The following WWOX variants were observed in gnomAD, a reference collection of about 807,000 sequenced individuals.
WWOX encodes the protein WW domain-containing oxidoreductase.
In WWOX, 69 loss-of-function variants were observed where a neutral mutation model predicts 46.2. The ratio of observed to expected loss-of-function variants is 1.49; its 90% confidence interval spans 1.23 to 1.82. The LOEUF is 1.82. WWOX is among the 40% of genes most tolerant of loss of function. WWOX has a pLI of 0.00. For missense variants in WWOX, 919 were observed against 542.6 expected (o/e 1.69, Z -6.89); for synonymous variants, 359 against 202.6 (o/e 1.77, Z -6.56).
intron 8 of WWOX, among the ~76,000 whole-genome samples, chr16:78,593,996 AT>A (rs978909355): frequency 2.0e-5 from 3 of 152,160 alleles, no homozygotes; most frequent in Admixed American, 2.0e-4. Flanking sequence ...TAGAAACACT[AT>A]TTAAGTCTCA....
chr16:79,193,358 C>G (rs906227424), intron 8 of WWOX, among the ~76,000 whole-genome samples: 5 of 152,220 alleles, frequency 3.3e-5, no homozygotes, highest in African/African-American at 9.6e-5. Context: ...ACAGAGGAGA[C>G]TTCAGTCGAT....
intron 8 of WWOX, among the ~76,000 whole-genome samples, chr16:78,612,898 C>G (rs535462588): frequency 2.0e-5 from 3 of 152,314 alleles, no homozygotes; most frequent in South Asian, 4.2e-4. Context: ...CATGAGTGCT[C>G]AAGAAATAGT....
rs1013052049 is a variant in WWOX, at chr16:78,310,681, C to A, written c.517-76179C>A. On this transcript the variant is annotated intron_variant, in intron 5 of 8. Transcript: ENST00000566780. ...TCTCTCTGGGATCGGGGATTTATAC[C>A]CCAAAACCTTGCTCTAGAGATTTGG... 3.9e-5 allele frequency among the ~76,000 whole-genome samples: 6 copies of A among 152,258 alleles called. 1 individual carries two copies. The highest frequency in any genetic ancestry group is 1.3e-4 in the Admixed American group (2 of 15,292).
At chr16:78,478,938 TG>T (rs2084421361) in intron 8 of WWOX, among the ~76,000 whole-genome samples, 3 of 152,348 alleles carry the variant, frequency 2.0e-5, no homozygotes, top group Non-Finnish European at 2.9e-5. Context: ...ATTTCCATCA[TG>T]GCCCCTTTTC....
intron 8 of WWOX, among the ~76,000 whole-genome samples, chr16:79,003,880 ACT>A (rs2047141898): frequency 6.6e-6 from 1 of 152,018 alleles, no homozygotes; most frequent in Admixed American, 6.5e-5. Flanking sequence ...AGGGACACAG[ACT>A]CCACCTCTCG....
chr16:78,109,833 T>C lies in WWOX; in HGVS notation c.228T>C (p.Val76=), dbSNP rs370579498. Residue 76 remains valine, a splice_region_variant and synonymous_variant, in exon 3 of 9, where the codon GTT becomes GTC. Coordinates refer to ENST00000566780, the MANE Select transcript of WWOX (RefSeq NM_016373.4). ...ATGAGAACGGACAAGTGTTTTTTGTTGAGTAAGTGTCTGCAAAGAAACCAC... is the reference window on the plus strand; with the variant it reads ...ATGAGAACGGACAAGTGTTTTTTGTCGAGTAAGTGTCTGCAAAGAAACCAC... ...ETDENGQVFF[V]DHINKRTTYL... 2.5e-6 allele frequency: 4 copies of C among 1,614,092 alleles called. No homozygotes were observed. The highest frequency in any genetic ancestry group is 2.5e-6 in the Non-Finnish European group (3 of 1,180,050).
At position 78,370,118 on chromosome 16, in the gene WWOX, C is replaced by A. The variant is rs1329170081; in HGVS notation, c.517-16742C>A. Among the ~76,000 whole-genome samples the A allele has an allele frequency of 1.1e-4, 10 of 92,574 alleles. No individual in the cohort carries two copies. In the East Asian group the frequency reaches 2.8e-3, roughly 26 times the overall value. 60.7% of individuals were successfully genotyped at this position (92,574 alleles called of 152,430 possible). A position where few individuals can be genotyped will look rare whatever the true frequency, so the allele number is the denominator to read the frequency against. On this transcript the variant is annotated intron_variant, in intron 5 of 8. Transcript: ENST00000566780. ...CTGCTCTCTATCCTGGGAGACAGAG[C>A]AAGACTGTCTCCAAAAAAAAAAAAA...
chr16:78,753,348 T>C (rs1275200503), intron 8 of WWOX, among the ~76,000 whole-genome samples: 1 of 151,810 alleles, frequency 6.6e-6, no homozygotes, highest in Non-Finnish European at 1.5e-5. Flanking sequence ...AGAAAGAACC[T>C]CTTAGGCAAC....
At chr16:78,451,703 G>A (rs746577347) in intron 8 of WWOX, among the ~76,000 whole-genome samples, 2 of 152,210 alleles carry the variant, frequency 1.3e-5, no homozygotes, top group Non-Finnish European at 2.9e-5. Context: ...AGCAATGCTA[G>A]TCTTCTTCGT....
At chr16:78,974,421 A>C (rs1055914490) in intron 8 of WWOX, among the ~76,000 whole-genome samples, 1 of 152,124 alleles carries the variant, frequency 6.6e-6, no homozygotes, top group Non-Finnish European at 1.5e-5. Context: ...CCTTGGAAAG[A>C]GTCTTGGTAA....
chr16:79,142,873 A>G (rs2050116533), intron 8 of WWOX, among the ~76,000 whole-genome samples: 1 of 151,912 alleles, frequency 6.6e-6, no homozygotes, highest in Non-Finnish European at 1.5e-5. Flanking sequence ...TAATTTTTAT[A>G]TATATTTTTT....
At chr16:78,397,540 T>C (rs1033225312) in intron 6 of WWOX, among the ~76,000 whole-genome samples, 3 of 152,232 alleles carry the variant, frequency 2.0e-5, no homozygotes, top group African/African-American at 7.2e-5. Context: ...AAATCTCTTC[T>C]TCTGTTGAGC....
At chr16:78,763,441 G>T (rs2049843358) in intron 8 of WWOX, among the ~76,000 whole-genome samples, 1 of 152,198 alleles carries the variant, frequency 6.6e-6, no homozygotes. Context: ...CTGACCTCAA[G>T]TAGTTTATAG....
intron 5 of WWOX, among the ~76,000 whole-genome samples, chr16:78,362,236 T>G (rs1014454481): frequency 5.9e-5 from 9 of 152,118 alleles, no homozygotes; most frequent in African/African-American, 2.2e-4. Flanking sequence ...GTATCAGATG[T>G]GTGCCTTGTC....
At chr16:78,623,211 A>G (rs187351894) in intron 8 of WWOX, among the ~76,000 whole-genome samples, 206 of 152,188 alleles carry the variant, frequency 1.4e-3, no homozygotes, top group African/African-American at 4.4e-3. Context: ...TAATAAATGT[A>G]TGTGGCTTTA....
chr16:78,656,393 A>T (rs572620518), intron 8 of WWOX, among the ~76,000 whole-genome samples: 4 of 152,172 alleles, frequency 2.6e-5, no homozygotes, highest in Non-Finnish European at 5.9e-5. Flanking sequence ...TGTATAAAGA[A>T]AAGAGGTTTA....
At chr16:78,712,047 G>A (rs943778479) in intron 8 of WWOX, among the ~76,000 whole-genome samples, 49 of 152,186 alleles carry the variant, frequency 3.2e-4, no homozygotes, top group African/African-American at 1.2e-3. Flanking sequence ...TGAGCTCTTG[G>A]TCTCCTATAT....
At chr16:78,357,703 C>T (rs1217116464) in intron 5 of WWOX, among the ~76,000 whole-genome samples, 1 of 152,170 alleles carries the variant, frequency 6.6e-6, no homozygotes, top group Admixed American at 6.5e-5. Context: ...GATTATTGAT[C>T]ACTTCCACAT....
At chr16:78,215,197 C>T (rs1567433539) in intron 5 of WWOX, among the ~76,000 whole-genome samples, 1 of 152,184 alleles carries the variant, frequency 6.6e-6, no homozygotes, top group African/African-American at 2.4e-5. Context: ...ATATCAAGCA[C>T]CTGCTATGTA....
Sources: gnomAD v4.1 joint callset for allele counts (sites outside exome capture counted in the v4.1 genomes callset) on GRCh38, gnomAD v4.1.1 for gene constraint, MANE v1.5 for transcripts, NCBI Gene and HGNC (gene_info 2026-07-23, HGNC 2026-07-21) for gene names.